The following FZD3 variants were observed in gnomAD, a reference collection of about 807,000 sequenced individuals.
FZD3 encodes the protein frizzled class receptor 3, also known as frizzled-3.
Under a neutral mutation model 60.7 loss-of-function variants are expected in FZD3, and 30 were observed. That is an observed-to-expected ratio of 0.49 (90% CI 0.37 to 0.67). The LOEUF (loss-of-function observed/expected upper bound fraction) is 0.67, where lower values mean the gene tolerates loss of function less well. Among genes scored for constraint, FZD3 ranks in the 30% least tolerant of loss-of-function variants. The pLI, the probability that FZD3 is intolerant of heterozygous loss-of-function variation, is 0.00. For missense variants in FZD3, 605 were observed against 838.7 expected (o/e 0.72, Z 3.44); for synonymous variants, 246 against 275.2 (o/e 0.89, Z 1.05).
At position 28,558,728 on chromosome 8, in the gene FZD3, G is replaced by A. The variant is rs944723597; in HGVS notation, c.1787+2757G>A. On this transcript the variant is annotated intron_variant, in intron 7 of 7. Coordinates refer to ENST00000240093, the MANE Select transcript of FZD3 (RefSeq NM_017412.4). Reference sequence around the variant, plus strand: ...ACTGCGGGCATGAGCCACTGTGCCCGGCCTGGCCTTATCCTTTCAATGATG... The same window carrying A: ...ACTGCGGGCATGAGCCACTGTGCCCAGCCTGGCCTTATCCTTTCAATGATG... 5.9e-5 allele frequency among the ~76,000 whole-genome samples: 9 copies of A among 152,046 alleles called. No individual in the cohort carries two copies. In the East Asian group the frequency reaches 1.5e-3, roughly 26 times the overall value.
At chr8:28,510,067 A>G (rs528940824) in intron 3 of FZD3, among the ~76,000 whole-genome samples, 17 of 151,902 alleles carry the variant, frequency 1.1e-4, no homozygotes, top group Non-Finnish European at 1.9e-4. Flanking sequence ...CAAGATTCCA[A>G]TTTCTCCACA....
At chr8:28,507,638 T>C (rs907896896) in intron 3 of FZD3, among the ~76,000 whole-genome samples, 1 of 152,222 alleles carries the variant, frequency 6.6e-6, no homozygotes, top group Non-Finnish European at 1.5e-5. Flanking sequence ...TACTTTCATA[T>C]ACAGTTTATA....
Position 28,520,578 on chromosome 8 carries a change from A to T in FZD3, c.190-60A>T. Reference sequence around the variant, plus strand: ...GAGAAAGAGAATGTTGCAGTATTATAGAAAGCTTTAACTTGTATACAGCTC... The same window carrying T: ...GAGAAAGAGAATGTTGCAGTATTATTGAAAGCTTTAACTTGTATACAGCTC... On this transcript the variant is annotated intron_variant, in intron 3 of 7. Coordinates refer to ENST00000240093, the MANE Select transcript of FZD3 (RefSeq NM_017412.4). The T allele has an allele frequency of 3.3e-6, 3 of 914,810 alleles. No homozygotes were observed. The African/African-American group carries it at 5.0e-5, about 15-fold the overall frequency. 56.7% of individuals were successfully genotyped at this position (914,810 alleles called of 1,614,324 possible).
intron 5 of FZD3, among the ~76,000 whole-genome samples, chr8:28,541,531 A>G (rs1187642326): frequency 6.6e-6 from 1 of 152,218 alleles, no homozygotes; most frequent in East Asian, 1.9e-4. Flanking sequence ...AAGGTGCTAA[A>G]GAATCGAAGT....
chr8:28,551,796 A>G, intron 6 of FZD3, 45 bp downstream of exon 6: 1 of 1,512,898 alleles, frequency 6.6e-7, no homozygotes, highest in Non-Finnish European at 9.0e-7. Context: ...CCTCACATTT[A>G]CGTAAATTTT....
chr8:28,513,600 A>G (rs1269342392), intron 3 of FZD3, among the ~76,000 whole-genome samples: 2 of 152,152 alleles, frequency 1.3e-5, no homozygotes, highest in Non-Finnish European at 2.9e-5. Flanking sequence ...CTCATTAGGC[A>G]TTTTATTGTT....
chr8:28,508,760 A>G (rs1452157202), intron 3 of FZD3, among the ~76,000 whole-genome samples: 6 of 152,050 alleles, frequency 3.9e-5, no homozygotes, highest in Admixed American at 3.9e-4. Context: ...TTTGTTCTCA[A>G]GCGATCCACC....
rs1269207256 is a variant in FZD3, at chr8:28,528,151, C to T, written c.1391C>T (p.Pro464Leu). Residue 464 changes from proline to leucine, a missense_variant, in exon 5 of 8, where the codon CCA becomes CTA. Coordinates refer to ENST00000240093, the MANE Select transcript of FZD3 (RefSeq NM_017412.4). ...IQERCREYHI[P>L]CPYQVTQMSR... ...GAACGCTGCAGAGAATATCACATTCCATGTCCATATCAGGTAAGGGAAACC... is the reference window on the plus strand; with the variant it reads ...GAACGCTGCAGAGAATATCACATTCTATGTCCATATCAGGTAAGGGAAACC... The T allele has an allele frequency of 6.2e-7, 1 of 1,610,010 alleles. No individual in the cohort carries two copies. Among genetic ancestry groups the T allele is most frequent in the Non-Finnish European group, 8.5e-7 (1 of 1,177,994 alleles).
intron 6 of FZD3, 98 bp from the exon 7 acceptor site, chr8:28,555,640 A>G (rs925818335): frequency 8.1e-6 from 6 of 739,488 alleles, no homozygotes; most frequent in African/African-American, 5.2e-5. Flanking sequence ...TTGGCAAGCA[A>G]TTAATTTCAA....
At chr8:28,523,616 T>C (rs1204698699) in intron 4 of FZD3, among the ~76,000 whole-genome samples, 2 of 151,536 alleles carry the variant, frequency 1.3e-5, no homozygotes, top group Non-Finnish European at 2.9e-5. Flanking sequence ...AAAAAAAAAT[T>C]TGTAGAGATG....
intron 7 of FZD3, among the ~76,000 whole-genome samples, chr8:28,558,883 A>G (rs1805563695): frequency 6.6e-6 from 1 of 152,258 alleles, no homozygotes; most frequent in African/African-American, 2.4e-5. Flanking sequence ...GATAAGATGT[A>G]TATGGAAGTA....
chr8:28,513,242 A>G (rs1321730217), intron 3 of FZD3, among the ~76,000 whole-genome samples: 2 of 152,194 alleles, frequency 1.3e-5, no homozygotes, highest in Non-Finnish European at 2.9e-5. Context: ...TATTAAATAC[A>G]TTGGAATTTG....
intron 5 of FZD3, among the ~76,000 whole-genome samples, chr8:28,543,417 G>C (rs1805219031): frequency 6.6e-6 from 1 of 151,364 alleles, no homozygotes; most frequent in South Asian, 2.1e-4. Context: ...GTGTCACTCT[G>C]TCACCCATGC....
intron 5 of FZD3, among the ~76,000 whole-genome samples, chr8:28,543,823 G>A (rs931990033): frequency 1.2e-4 from 18 of 152,026 alleles, no homozygotes; most frequent in African/African-American, 4.1e-4. Context: ...AGCAAAACTA[G>A]TCTCTAATTC....
At position 28,565,975 on chromosome 8, in the gene FZD3, A is replaced by AT. The variant is rs1805698138; in HGVS notation, c.*2964_*2965insT. Reference sequence around the variant, plus strand: ...TTCAAAAAGTACTTTGATTTCAGCAACTTTTTTTATTCAATAACTAGACAA... The same window carrying AT: ...TTCAAAAAGTACTTTGATTTCAGCAATCTTTTTTTATTCAATAACTAGACAA... On this transcript the variant is annotated 3_prime_UTR_variant, in exon 8 of 8. Transcript: ENST00000240093. 1.0e-5 allele frequency: 1 copy of AT among 97,334 alleles called. No homozygotes were observed. The highest frequency in any genetic ancestry group is 3.8e-5 in the African/African-American group (1 of 26,014). The allele number at this position is 97,334 out of a possible 1,614,324, so 6.0% of individuals were successfully genotyped here.
chr8:28,497,197 ATTAAG>A (rs976436914), intron 1 of FZD3, among the ~76,000 whole-genome samples: 3 of 152,238 alleles, frequency 2.0e-5, no homozygotes, highest in African/African-American at 7.2e-5. Context: ...ACATTGGAAG[ATTAAG>A]TTATTTGTTG....
intron 3 of FZD3, among the ~76,000 whole-genome samples, chr8:28,515,565 A>G (rs997567387): frequency 6.6e-6 from 1 of 152,230 alleles, no homozygotes; most frequent in African/African-American, 2.4e-5. Flanking sequence ...AAGGGGCTGC[A>G]TGTACAGTGT....
At chr8:28,551,556 A>C in intron 5 of FZD3, 47 bp from the exon 6 acceptor site, 1 of 1,395,624 alleles carries the variant, frequency 7.2e-7, no homozygotes, top group Non-Finnish European at 1.0e-6. Flanking sequence ...CCTTTAATAG[A>C]AAGTTATTTT....
Position 28,567,673 on chromosome 8 carries a change from G to A in FZD3, c.*4662G>A, listed in dbSNP as rs1443299049. On this transcript the variant is annotated 3_prime_UTR_variant, in exon 8 of 8. Transcript: ENST00000240093. ...CTTTTTAGCAATAACAACAAAATAG[G>A]CAATTAGACCAGTGTTCATTTGGTA... The A allele has an allele frequency of 6.6e-6, 1 of 152,080 alleles. No individual in the cohort carries two copies. The highest frequency in any genetic ancestry group is 2.4e-5 in the African/African-American group (1 of 41,418). 9.4% of individuals were successfully genotyped at this position (152,080 alleles called of 1,614,324 possible).
Sources: gnomAD v4.1 joint callset for allele counts (sites outside exome capture counted in the v4.1 genomes callset) on GRCh38, gnomAD v4.1.1 for gene constraint, MANE v1.5 for transcripts, NCBI Gene and HGNC (gene_info 2026-07-23, HGNC 2026-07-21) for gene names.